The following CFAP20DC variants were observed in gnomAD, a reference collection of about 807,000 sequenced individuals.
CFAP20DC encodes protein CFAP20DC.
Under a neutral mutation model 101.7 loss-of-function variants are expected in CFAP20DC, and 84 were observed. The observed-to-expected ratio is 0.83, with a 90% CI of 0.69 to 0.99. The LOEUF (loss-of-function observed/expected upper bound fraction) is 0.99, where lower values mean the gene tolerates loss of function less well. CFAP20DC is among the 50% of genes least tolerant of loss of function. CFAP20DC has a pLI of 0.00. For synonymous variants in CFAP20DC, 359 were observed against 351.2 expected, an observed-to-expected ratio of 1.02 and a Z score of -0.25; for missense variants, 1,007 against 970.3, an observed-to-expected ratio of 1.04 and a Z score of -0.50.
At chr3:58,727,620 G>T (rs559341586) in intron 3 of CFAP20DC, 1 of 152,276 alleles carries the variant, frequency 6.6e-6, no homozygotes, top group South Asian at 2.1e-4. Flanking sequence ...TATTTTTTCA[G>T]TAGAGACGGG....
At chr3:58,939,456 ATTTTTAT>A (rs1180507920) in intron 4 of CFAP20DC, among the ~76,000 whole-genome samples, 1 of 152,022 alleles carries the variant, frequency 6.6e-6, no homozygotes, top group Non-Finnish European at 1.5e-5. Context: ...TTAAAATTTT[ATTTTTAT>A]TTTTTATTTT....
intron 4 of CFAP20DC, among the ~76,000 whole-genome samples, chr3:59,024,012 T>G (rs1444153465): frequency 6.6e-6 from 1 of 152,044 alleles, no homozygotes; most frequent in African/African-American, 2.4e-5. Flanking sequence ...GATTCAGAAG[T>G]GTCTAAAAAG....
At chr3:58,919,718 A>G (rs999723547) in intron 5 of CFAP20DC, among the ~76,000 whole-genome samples, 1 of 152,216 alleles carries the variant, frequency 6.6e-6, no homozygotes, top group African/African-American at 2.4e-5. Flanking sequence ...ATCTATATAC[A>G]TATACATTGT....
chr3:58,716,495 G>C (rs1440775118), downstream of CFAP20DC, among the ~76,000 whole-genome samples: 1 of 152,118 alleles, frequency 6.6e-6, no homozygotes, highest in Admixed American at 6.5e-5. Context: ...CCCAGGTCAT[G>C]ACAGGCAGCT....
In CFAP20DC at chr3:59,049,801, T is replaced by A. The variant is rs2109351430; in HGVS notation, c.-170A>T. ...GGCTCTTCTCAGCCCCTCCGGCCCC[T>A]GGTCAGCTCCATCTCCCGCCCTCCA... On this transcript the variant is annotated 5_prime_UTR_variant, in exon 1 of 17. Coordinates refer to ENST00000482387, the MANE Select transcript of CFAP20DC (RefSeq NM_001394063.1). 2.7e-6 allele frequency: 2 copies of A among 735,772 alleles called. No individual in the cohort carries two copies. Among genetic ancestry groups the A allele is most frequent in the East Asian group, 5.4e-5 (2 of 36,856 alleles). 45.6% of individuals were successfully genotyped at this position (735,772 alleles called of 1,614,324 possible).
At chr3:58,963,190 TTGTGTGTGTGTGTGTGTGTGTGTGTG>T (rs56234919) in intron 4 of CFAP20DC, among the ~76,000 whole-genome samples, 2 of 118,184 alleles carry the variant, frequency 1.7e-5, no homozygotes, top group South Asian at 3.8e-4. Flanking sequence ...GTTCAGTAGT[TTGTGTGTGTGTGTGTGTGTGTGTGTG>T]TGTGTGTGTG....
intron 15 of CFAP20DC, among the ~76,000 whole-genome samples, chr3:58,765,490 C>CAAAAAAAAAAAAAAAAAAAAA (rs1337049385): frequency 2.3e-4 from 19 of 81,802 alleles, no homozygotes; most frequent in African/African-American, 3.1e-4. Context: ...AAAAAAAAAC[C>CAAAAAAAAAAAAAAAAAAAAA]AAAAAAAAAA....
chr3:58,965,634 T>C, intron 4 of CFAP20DC, among the ~76,000 whole-genome samples: 1 of 152,246 alleles, frequency 6.6e-6, no homozygotes, highest in Middle Eastern at 3.4e-3. Flanking sequence ...GATAAAAGAA[T>C]TAAAACTTTT....
intron 5 of CFAP20DC, among the ~76,000 whole-genome samples, chr3:58,933,436 C>G (rs2087020439): frequency 6.6e-6 from 1 of 152,158 alleles, no homozygotes; most frequent in African/African-American, 2.4e-5. Context: ...TAGACATCTA[C>G]AGAACTCTCC....
chr3:58,743,136 G>A (rs2067972720), intron 16 of CFAP20DC, among the ~76,000 whole-genome samples: 1 of 152,176 alleles, frequency 6.6e-6, no homozygotes, highest in Non-Finnish European at 1.5e-5. Flanking sequence ...GTGGCGGGAA[G>A]TCTGCTCAGT....
intron 9 of CFAP20DC, 42 bp from the exon 10 acceptor site, chr3:58,867,978 G>A: frequency 6.5e-7 from 1 of 1,547,494 alleles, no homozygotes; most frequent in Non-Finnish European, 8.7e-7. Context: ...AACAGAAAGT[G>A]CTATATGGCT....
intron 15 of CFAP20DC, among the ~76,000 whole-genome samples, chr3:58,775,090 C>T (rs746184900): frequency 3.3e-5 from 5 of 152,100 alleles, no homozygotes; most frequent in African/African-American, 7.2e-5. Flanking sequence ...GTCCTGACGA[C>T]GTGTGTCCAA....
chr3:58,772,641 G>A (rs928044980), intron 15 of CFAP20DC, among the ~76,000 whole-genome samples: 1 of 152,048 alleles, frequency 6.6e-6, no homozygotes, highest in African/African-American at 2.4e-5. Flanking sequence ...GTTTATTACA[G>A]CACTGTCTAC....
At chr3:58,983,445 A>T (rs1018258160) in intron 4 of CFAP20DC, among the ~76,000 whole-genome samples, 1 of 152,170 alleles carries the variant, frequency 6.6e-6, no homozygotes, top group Non-Finnish European at 1.5e-5. Flanking sequence ...CACGAAAACC[A>T]TACTCAATTT....
At chr3:58,803,634 C>T (rs911381040) in intron 15 of CFAP20DC, among the ~76,000 whole-genome samples, 7 of 152,094 alleles carry the variant, frequency 4.6e-5, no homozygotes, top group African/African-American at 1.7e-4. Context: ...GTATTTATGG[C>T]CCAATAATGC....
intron 4 of CFAP20DC, among the ~76,000 whole-genome samples, chr3:59,035,502 A>C (rs1001184450): frequency 6.6e-6 from 1 of 152,218 alleles, no homozygotes; most frequent in African/African-American, 2.4e-5. Context: ...AAAAAAGGAT[A>C]AAGGGGATTT....
At chr3:58,806,774 A>G (rs929589070) in intron 14 of CFAP20DC, among the ~76,000 whole-genome samples, 1 of 152,244 alleles carries the variant, frequency 6.6e-6, no homozygotes, top group Non-Finnish European at 1.5e-5. Flanking sequence ...GCATTGCCTC[A>G]CTCGGGAAGC....
intron 6 of CFAP20DC, among the ~76,000 whole-genome samples, chr3:58,908,556 T>C (rs1263130060): frequency 6.6e-6 from 1 of 152,080 alleles, no homozygotes; most frequent in African/African-American, 2.4e-5. Flanking sequence ...CTGGGGGAAA[T>C]GAAATATGGT....
chr3:59,042,789 G>A (rs1320866942), intron 3 of CFAP20DC, among the ~76,000 whole-genome samples: 1 of 152,158 alleles, frequency 6.6e-6, no homozygotes, highest in Non-Finnish European at 1.5e-5. Context: ...AATAATCCAA[G>A]CATGAGATAC....
Sources: allele counts gnomAD v4.1 joint callset (sites outside exome capture counted in the v4.1 genomes callset), GRCh38; gene constraint gnomAD v4.1.1; transcripts MANE v1.5; gene names NCBI Gene and HGNC (gene_info 2026-07-23, HGNC 2026-07-21).